TRIM16: variants seen among roughly 807,000 people sequenced by gnomAD.
TRIM16 encodes tripartite motif containing 16, also known as tripartite motif-containing protein 16.
In TRIM16, 33 loss-of-function variants were observed where a neutral mutation model predicts 50.4. The ratio of observed to expected loss-of-function variants is 0.65; its 90% CI spans 0.50 to 0.88. The LOEUF is 0.88. Among genes scored for constraint, TRIM16 ranks in the 40% least tolerant of loss-of-function variants. The pLI, the probability that TRIM16 is intolerant of heterozygous loss-of-function variation, is 0.00. For synonymous variants in TRIM16, 229 were observed against 270.7 expected, an observed-to-expected ratio of 0.85 and a Z score of 1.51; for missense variants, 581 against 686.8, an observed-to-expected ratio of 0.85 and a Z score of 1.72.
intron 7 of TRIM16, among the ~76,000 whole-genome samples, chr17:15,644,635 G>A (rs1171152677): frequency 1.3e-5 from 2 of 151,974 alleles, no homozygotes; most frequent in Non-Finnish European, 2.9e-5. Flanking sequence ...TTTCATCATA[G>A]GGTTGGCTCC....
chr17:15,673,675 G>C (rs1567689809), intron 6 of TRIM16, among the ~76,000 whole-genome samples: 1 of 151,940 alleles, frequency 6.6e-6, no homozygotes, highest in Admixed American at 6.6e-5. Flanking sequence ...ATCAATTTAA[G>C]CTTAGGAAGA....
chr17:15,634,567 C>A (rs1296356188), intron 9 of TRIM16, among the ~76,000 whole-genome samples: 2 of 143,148 alleles, frequency 1.4e-5, no homozygotes, highest in East Asian at 4.3e-4. Context: ...GGAGGTGGAG[C>A]TTGCAGTGAG....
chr17:15,676,049 T>C (rs553152857), intron 6 of TRIM16, among the ~76,000 whole-genome samples: 1 of 152,236 alleles, frequency 6.6e-6, no homozygotes, highest in South Asian at 2.1e-4. Context: ...ACATTTGGCA[T>C]GTCGTCCTTA....
At chr17:15,637,502 C>T in intron 8 of TRIM16, among the ~76,000 whole-genome samples, 2 of 122,704 alleles carry the variant, frequency 1.6e-5, no homozygotes, top group East Asian at 2.6e-4. Flanking sequence ...CCCGGCCAGC[C>T]GCCCCGTCCG....
chr17:15,651,021 C>T (rs895650036), intron 7 of TRIM16, 70 bp downstream of exon 7: 6 of 1,547,068 alleles, frequency 3.9e-6, no homozygotes, highest in East Asian at 2.3e-5. Context: ...GACCTAGCAG[C>T]TGCAGCCAGC....
intron 6 of TRIM16, among the ~76,000 whole-genome samples, chr17:15,670,395 C>T (rs1162616376): frequency 1.3e-5 from 2 of 152,152 alleles, no homozygotes; most frequent in Non-Finnish European, 2.9e-5. Context: ...CTCAATCAGC[C>T]GCTAATTTCC....
At chr17:15,680,771 T>C (rs1304486769) in intron 4 of TRIM16, 94 bp downstream of exon 4, 2 of 1,402,232 alleles carry the variant, frequency 1.4e-6, no homozygotes, top group Non-Finnish European at 1.9e-6. Flanking sequence ...AAAAATTTGC[T>C]TCAGGAATTA....
At chr17:15,659,059 G>A (rs964705770) in intron 6 of TRIM16, among the ~76,000 whole-genome samples, 3 of 152,212 alleles carry the variant, frequency 2.0e-5, no homozygotes, top group African/African-American at 4.8e-5. Flanking sequence ...AGGGCACTGC[G>A]TGTACCTTCC....
chr17:15,648,021 C>T (rs1597626565), intron 7 of TRIM16, among the ~76,000 whole-genome samples: 1 of 151,814 alleles, frequency 6.6e-6, no homozygotes, highest in East Asian at 1.9e-4. Context: ...GTCAGGAGAT[C>T]GAGACCATCC....
At chr17:15,671,599 C>G (rs148850229) in intron 6 of TRIM16, among the ~76,000 whole-genome samples, 2 of 151,936 alleles carry the variant, frequency 1.3e-5, no homozygotes, top group African/African-American at 4.8e-5. Context: ...TTGAAAAACT[C>G]TATTTCACGT....
chr17:15,631,601 G>A lies in TRIM16; in HGVS notation c.1111+18C>T, dbSNP rs1323116125. 1 of 1,613,768 alleles carries A rather than the reference G, an allele frequency of 6.2e-7. No homozygotes were observed. The highest frequency in any genetic ancestry group is 8.5e-7 in the Non-Finnish European group (1 of 1,179,674). On this transcript the variant is annotated intron_variant, in intron 11 of 11. Coordinates refer to ENST00000649191, the MANE Select transcript of TRIM16 (RefSeq NM_001348119.1). ...CTGATATCAACAACTGGAGAAGCGG[G>A]TGCCGTTCACAACTTACATTGGAGG...
chr17:15,672,155 G>T (rs1422695022), intron 6 of TRIM16, among the ~76,000 whole-genome samples: 1 of 152,022 alleles, frequency 6.6e-6, no homozygotes, highest in African/African-American at 2.4e-5. Flanking sequence ...TCCCTTCATT[G>T]GACACATATC....
At position 15,628,712 on chromosome 17, in the gene TRIM16, G is replaced by T. The variant is rs747971278; in HGVS notation, c.1598C>A (p.Ala533Asp). Reference sequence around the variant, plus strand: ...GTTTTCCTTCTTGGAAAGCCAGAAGGCAGCATAGACTGGTTCTGAAAATTT... The same window carrying T: ...GTTTTCCTTCTTGGAAAGCCAGAAGTCAGCATAGACTGGTTCTGAAAATTT... ...ACKFSEPVYA[A>D]FWLSKKENAI... The change falls in exon 12 of 12, where the codon GCC (alanine) becomes GAC (aspartate). Residue 533 changes from alanine to aspartate, a missense_variant. Ala to Asp is a moderately radical substitution (Grantham distance 126). Around this residue, in one of 3 missense-constraint regions of TRIM16, gnomAD observed 115 missense variants for 106.7 expected, o/e 1.08. Transcript: ENST00000649191. 1 of 1,614,156 alleles carries T rather than the reference G, an allele frequency of 6.2e-7. No homozygotes were observed. Among genetic ancestry groups the T allele is most frequent in the Non-Finnish European group, 8.5e-7 (1 of 1,180,020 alleles).
At chr17:15,631,822 G>A (rs1174567496) in intron 10 of TRIM16, 108 bp from the exon 11 acceptor site, 27 of 966,512 alleles carry the variant, frequency 2.8e-5, no homozygotes, top group Non-Finnish European at 3.8e-5. Flanking sequence ...GGAAAGAAGG[G>A]GCTGAAGCCT....
intron 6 of TRIM16, among the ~76,000 whole-genome samples, chr17:15,673,935 T>C (rs1988818444): frequency 6.6e-6 from 1 of 152,206 alleles, no homozygotes; most frequent in Admixed American, 6.5e-5. Flanking sequence ...TAATAGTTAC[T>C]ATGTAAGGCT....
rs145341552 is a variant in TRIM16, at chr17:15,646,782, G to C, written c.520-3966C>G. On this transcript the variant is annotated intron_variant, in intron 7 of 11. Transcript: ENST00000649191. Reference sequence around the variant, plus strand: ...AGCCTTTCTAGAGAAGGAAGAACTAGAGTCCACCTGGACGCTGACTGCATG... The same window carrying C: ...AGCCTTTCTAGAGAAGGAAGAACTACAGTCCACCTGGACGCTGACTGCATG... 7.2e-3 allele frequency among the ~76,000 whole-genome samples: 1,101 copies of C among 151,998 alleles called. 14 individuals are homozygous for C. Among genetic ancestry groups the C allele is most frequent in the African/African-American group, 0.025 (1,054 of 41,390 alleles).
At chr17:15,668,235 G>A (rs1988581878) in intron 6 of TRIM16, among the ~76,000 whole-genome samples, 1 of 152,174 alleles carries the variant, frequency 6.6e-6, no homozygotes, top group Admixed American at 6.5e-5. Flanking sequence ...GGGTGATCAT[G>A]GGGTTCACCT....
chr17:15,674,332 T>C (rs1209142297), intron 6 of TRIM16, among the ~76,000 whole-genome samples: 2 of 151,444 alleles, frequency 1.3e-5, no homozygotes, highest in East Asian at 1.9e-4. Flanking sequence ...ATCATGCCAT[T>C]GCACTCCAGC....
chr17:15,681,711 C>T (rs1289196342), intron 3 of TRIM16, among the ~76,000 whole-genome samples: 6 of 152,186 alleles, frequency 3.9e-5, no homozygotes, highest in Admixed American at 2.6e-4. Flanking sequence ...CATTTCTTTG[C>T]GCTTATCTCT....
Sources: gnomAD v4.1 joint callset for allele counts (sites outside exome capture counted in the v4.1 genomes callset) on GRCh38, gnomAD v4.1.1 for gene constraint, gnomAD v4.1.1 regional missense constraint, MANE v1.5 for transcripts, NCBI Gene and HGNC (gene_info 2026-07-23, HGNC 2026-07-21) for gene names.